The following PDE3B variants were observed in gnomAD, a reference collection of about 807,000 sequenced individuals.
The protein encoded by PDE3B is cGMP-inhibited 3',5'-cyclic phosphodiesterase 3B.
PDE3B carries 66 observed loss-of-function variants against 116.8 expected under a neutral mutation model. That is an observed-to-expected ratio of 0.56 (90% CI 0.46 to 0.69). PDE3B has a LOEUF of 0.69. Ranked by LOEUF, PDE3B falls within the 30% of genes least tolerant of loss-of-function variation. PDE3B has a pLI of 0.00. For missense variants in PDE3B, 1,384 were observed against 1,368.1 expected (o/e 1.01, Z -0.18); for synonymous variants, 595 against 533.6 (o/e 1.12, Z -1.59).
chr11:14,749,238 T>G (rs184885717), intron 1 of PDE3B, among the ~76,000 whole-genome samples: 128 of 152,276 alleles, frequency 8.4e-4, no homozygotes, highest in Non-Finnish European at 1.2e-3. Context: ...CATAGATTGG[T>G]ACATATGTAA....
At chr11:14,774,295 C>T (rs1213860753) in intron 2 of PDE3B, 1 of 152,200 alleles carries the variant, frequency 6.6e-6, no homozygotes, top group Non-Finnish European at 1.5e-5. Context: ...CCTCTTAAGA[C>T]ACTCTGAACC....
chr11:14,897,548 G>A, the PDE3B span, among the ~76,000 whole-genome samples: 1 of 152,182 alleles, frequency 6.6e-6, no homozygotes, highest in African/African-American at 2.4e-5. Flanking sequence ...TCTGGGTACT[G>A]TATCTTGGGT....
At chr11:14,837,190 C>T (rs1376888988) in intron 11 of PDE3B, among the ~76,000 whole-genome samples, 1 of 152,212 alleles carries the variant, frequency 6.6e-6, no homozygotes, top group Admixed American at 6.5e-5. Flanking sequence ...TTCCAAGGAA[C>T]TAGTGAAAAT....
At chr11:14,669,496 G>A (rs1854299421) in intron 1 of PDE3B, among the ~76,000 whole-genome samples, 1 of 152,082 alleles carries the variant, frequency 6.6e-6, no homozygotes, top group South Asian at 2.1e-4. Context: ...TAAGTTCTAG[G>A]GTACAAGTGC....
intron 1 of PDE3B, among the ~76,000 whole-genome samples, chr11:14,723,446 G>C (rs1856183126): frequency 6.6e-6 from 1 of 152,130 alleles, no homozygotes; most frequent in Non-Finnish European, 1.5e-5. Context: ...TGAGTTCTGA[G>C]ATCCTTTAAT....
intron 1 of PDE3B, among the ~76,000 whole-genome samples, chr11:14,658,699 T>A (rs762683586): frequency 7.2e-5 from 11 of 152,230 alleles, no homozygotes; most frequent in Non-Finnish European, 1.5e-4. Context: ...GCATGGAATG[T>A]ACATAATTTA....
intron 1 of PDE3B, among the ~76,000 whole-genome samples, chr11:14,662,826 G>A (rs537358567): frequency 7.7e-4 from 118 of 152,324 alleles, no homozygotes; most frequent in Non-Finnish European, 1.5e-3. Context: ...CCAAATCTGC[G>A]TCTGATTGGT....
chr11:14,694,046 A>G (rs1344854218), intron 1 of PDE3B, among the ~76,000 whole-genome samples: 2 of 152,156 alleles, frequency 1.3e-5, no homozygotes, highest in African/African-American at 2.4e-5. Context: ...TAGTGGAGGA[A>G]GTAACTGCAG....
At chr11:14,715,303 A>T (rs954013416) in intron 1 of PDE3B, among the ~76,000 whole-genome samples, 2 of 152,134 alleles carry the variant, frequency 1.3e-5, no homozygotes, top group African/African-American at 4.8e-5. Context: ...GAAGAAAGTC[A>T]TTGGTAGCTT....
At chr11:14,802,474 T>C (rs910066956) in intron 4 of PDE3B, among the ~76,000 whole-genome samples, 7 of 152,204 alleles carry the variant, frequency 4.6e-5, no homozygotes, top group African/African-American at 1.7e-4. Context: ...GTCTTTGGGC[T>C]GCATCCACTG....
At chr11:14,823,487 A>T (rs892202694) in intron 7 of PDE3B, among the ~76,000 whole-genome samples, 7 of 151,808 alleles carry the variant, frequency 4.6e-5, no homozygotes, top group Non-Finnish European at 1.0e-4. Flanking sequence ...GCTGCAGCAG[A>T]CCCCAAACAC....
At chr11:14,858,168 G>T (rs887114344) in intron 12 of PDE3B, among the ~76,000 whole-genome samples, 3 of 152,150 alleles carry the variant, frequency 2.0e-5, no homozygotes, top group Non-Finnish European at 2.9e-5. Context: ...TCCTACCTGA[G>T]ATCTCATTCC....
chr11:14,735,500 A>G (rs984952199), intron 1 of PDE3B, among the ~76,000 whole-genome samples: 1 of 152,226 alleles, frequency 6.6e-6, no homozygotes, highest in African/African-American at 2.4e-5. Flanking sequence ...ATAAGGGGAT[A>G]TTCTCCAGAA....
intron 13 of PDE3B, among the ~76,000 whole-genome samples, chr11:14,860,949 A>G (rs973969485): frequency 1.3e-4 from 19 of 151,948 alleles, no homozygotes; most frequent in Non-Finnish European, 2.5e-4. Flanking sequence ...ATAATTCATG[A>G]TTCTTTGTGG....
intron 10 of PDE3B, 118 bp from the exon 11 acceptor site, chr11:14,834,864 A>G (rs1860005249): frequency 2.0e-6 from 1 of 501,396 alleles, no homozygotes; most frequent in Non-Finnish European, 3.6e-6. Flanking sequence ...ATAAAATTCA[A>G]TTGTGGGGAA....
intron 1 of PDE3B, among the ~76,000 whole-genome samples, chr11:14,646,350 G>T (rs534015014): frequency 1.3e-5 from 2 of 152,276 alleles, no homozygotes; most frequent in East Asian, 3.9e-4. Context: ...ATGTTCCAAT[G>T]ACACAATACT....
At chr11:14,839,430 G>T (rs1266407336) in intron 11 of PDE3B, among the ~76,000 whole-genome samples, 1 of 152,158 alleles carries the variant, frequency 6.6e-6, no homozygotes, top group East Asian at 1.9e-4. Flanking sequence ...TCACATTGCT[G>T]TTCAACTTAA....
the PDE3B span, among the ~76,000 whole-genome samples, chr11:14,885,427 T>C: frequency 6.6e-6 from 1 of 152,150 alleles, no homozygotes; most frequent in African/African-American, 2.4e-5. Context: ...ATAGTAAAAA[T>C]GTCACCAAGT....
At position 14,644,975 on chromosome 11, in the gene PDE3B, A is replaced by T; in HGVS notation, c.900A>T (p.Leu300Phe). 1 of 1,613,866 alleles carries T rather than the reference A, an allele frequency of 6.2e-7. No individual in the cohort carries two copies. The highest frequency in any genetic ancestry group is 8.5e-7 in the Non-Finnish European group (1 of 1,179,952). Residue 300 changes from leucine (L) to phenylalanine (F), a missense_variant, in exon 1 of 16, where the codon TTA (leucine) becomes TTT (phenylalanine). Coordinates refer to ENST00000282096, the MANE Select transcript of PDE3B (RefSeq NM_000922.4). ...RPRRRSSCVS[L>F]GETAASYYGS... ...GGAGGAGGTCCAGCTGCGTGTCGTT[A>T]GGAGAAACTGCAGCCAGTTACTATG...
Sources: allele counts gnomAD v4.1 joint callset (sites outside exome capture counted in the v4.1 genomes callset), GRCh38; gene constraint gnomAD v4.1.1; transcripts MANE v1.5; gene names NCBI Gene and HGNC (gene_info 2026-07-23, HGNC 2026-07-21).